Variants in MICAL3 observed in about 807,000 individuals in gnomAD.
MICAL3 encodes the protein [F-actin]-monooxygenase MICAL3.
Under a neutral mutation model 207.4 loss-of-function variants are expected in MICAL3, and 62 were observed. The observed-to-expected ratio is 0.30, with a 90% CI of 0.24 to 0.37. MICAL3 has a LOEUF of 0.37. MICAL3 is among the 10% of genes least tolerant of loss of function. MICAL3 has a pLI of 1.00. For synonymous variants in MICAL3, 1,077 were observed against 1,069.3 expected, an observed-to-expected ratio of 1.01 and a Z score of -0.14; for missense variants, 2,368 against 2,635.6, an observed-to-expected ratio of 0.90 and a Z score of 2.22.
intron 7 of MICAL3, among the ~76,000 whole-genome samples, chr22:17,897,316 G>A (rs1930930634): frequency 6.6e-6 from 1 of 151,302 alleles, no homozygotes; most frequent in East Asian, 2.0e-4. Flanking sequence ...CCAGCTACTT[G>A]GGAAGCTGAG....
In MICAL3 at chr22:17,832,236, G is replaced by C. The variant is rs147444570; in HGVS notation, c.2802-129C>G. On this transcript the variant is annotated intron_variant, in intron 20 of 31. Transcript: ENST00000441493. ...CTGCTGAGCAGGCGGAGAGAGACAG[G>C]AGGGAGGAGAGAGCGGCATCAGCAG... The C allele has an allele frequency of 3.2e-3, 3,886 of 1,211,102 alleles. 13 individuals carry two copies. Among genetic ancestry groups the C allele is most frequent in the Non-Finnish European group, 4.1e-3 (3,597 of 875,426 alleles). The allele number at this position is 1,211,102 out of a possible 1,614,324, so 75.0% of individuals were successfully genotyped here.
intron 11 of MICAL3, among the ~76,000 whole-genome samples, chr22:17,892,195 G>T (rs1569119403): frequency 6.6e-6 from 1 of 152,204 alleles, no homozygotes; most frequent in Non-Finnish European, 1.5e-5. Context: ...CCCCAGACCA[G>T]ACAGTCCCCG....
rs1232435932 is a variant in MICAL3 at position 17,791,192 on chromosome 22, G to A, written c.5750+10C>T. ...CATAGCGCTGACGCCCCCTACCCAAGGCCACTCACAAGATCATCAGCTCCG... is the reference window on the plus strand; with the variant it reads ...CATAGCGCTGACGCCCCCTACCCAAAGCCACTCACAAGATCATCAGCTCCG... On this transcript the variant is annotated intron_variant, in intron 30 of 31. Transcript: ENST00000441493. 6.2e-7 allele frequency: 1 copy of A among 1,613,050 alleles called. No homozygotes were observed. The highest frequency in any genetic ancestry group is 8.5e-7 in the Non-Finnish European group (1 of 1,179,576).
chr22:17,859,272 C>A (rs1050264230), intron 19 of MICAL3, among the ~76,000 whole-genome samples: 1 of 152,232 alleles, frequency 6.6e-6, no homozygotes, highest in African/African-American at 2.4e-5. Flanking sequence ...GACCTCTTCA[C>A]GTTCCAAGAG....
At chr22:18,015,539 A>C (rs1306811785) in intron 1 of MICAL3, among the ~76,000 whole-genome samples, 1 of 149,508 alleles carries the variant, frequency 6.7e-6, no homozygotes, top group African/African-American at 2.5e-5. Flanking sequence ...CTGCCTCCCA[A>C]GTAGCTGGGA....
chr22:17,895,203 G>A (rs1930725944), intron 10 of MICAL3, 81 bp downstream of exon 10: 18 of 1,399,716 alleles, frequency 1.3e-5, no homozygotes, highest in Non-Finnish European at 1.7e-5. Flanking sequence ...GGTATTAATA[G>A]GTGCACGCAT....
chr22:17,808,423 C>T (rs960505698), intron 29 of MICAL3, among the ~76,000 whole-genome samples: 2 of 151,168 alleles, frequency 1.3e-5, no homozygotes, highest in African/African-American at 4.9e-5. Context: ...CAGGAGGGTC[C>T]CAGGGAACTA....
chr22:17,875,394 C>T (rs1039944056), intron 16 of MICAL3: 43 of 1,174,158 alleles, frequency 3.7e-5, no homozygotes, highest in Non-Finnish European at 4.5e-5. Flanking sequence ...GCGAAAGTGA[C>T]GTGAGTGGAG....
chr22:17,922,876 T>A (rs944706431), intron 1 of MICAL3, among the ~76,000 whole-genome samples: 2 of 152,150 alleles, frequency 1.3e-5, no homozygotes, highest in African/African-American at 2.4e-5. Context: ...TCTCAGTTGT[T>A]CTCTCCAAAG....
At chr22:17,958,000 C>G (rs978366286) in intron 1 of MICAL3, among the ~76,000 whole-genome samples, 3 of 152,124 alleles carry the variant, frequency 2.0e-5, no homozygotes, top group African/African-American at 7.2e-5. Context: ...CCCAAAAAAC[C>G]TAAAAATTCC....
At chr22:17,859,903 C>T (rs755176434) in intron 19 of MICAL3, among the ~76,000 whole-genome samples, 5 of 152,216 alleles carry the variant, frequency 3.3e-5, no homozygotes, top group African/African-American at 9.6e-5. Flanking sequence ...TCTTGCTTTT[C>T]TCCACTTGCA....
chr22:17,972,109 G>C (rs1249155950), intron 1 of MICAL3, among the ~76,000 whole-genome samples: 4 of 152,242 alleles, frequency 2.6e-5, no homozygotes, highest in African/African-American at 9.6e-5. Context: ...CACATGCTCA[G>C]TTCAGCAAAT....
intron 12 of MICAL3, 31 bp downstream of exon 12, chr22:17,891,454 T>A (rs202159231): frequency 1.2e-6 from 2 of 1,610,728 alleles, no homozygotes; most frequent in Non-Finnish European, 1.7e-6. Context: ...TTGAGGAGTA[T>A]AAAAAAACAC....
rs112575747 is a variant in MICAL3, at chr22:17,862,511, C to G, written c.2605+2388G>C. 7.6e-4 allele frequency: 640 copies of G among 844,226 alleles called. 1 individual carries two copies. The highest frequency in any genetic ancestry group is 8.0e-4 in the Non-Finnish European group (564 of 701,432). The allele number at this position is 844,226 out of a possible 1,614,324, so 52.3% of individuals were successfully genotyped here. A position where few individuals can be genotyped will look rare whatever the true frequency, so the allele number is the denominator to read the frequency against. On this transcript the variant is annotated intron_variant, in intron 19 of 31. Transcript: ENST00000441493. ...TCCTGACCTCGTGATCTGCCCGCCT[C>G]GGCCTCCCAAAGTGCTGGGATTACA...
chr22:17,980,879 C>G (rs572987231), intron 1 of MICAL3: 1 of 531,760 alleles, frequency 1.9e-6, no homozygotes, highest in East Asian at 5.5e-5. Context: ...ACCCTCACTT[C>G]CGACTAAGTG....
In MICAL3 at chr22:17,916,400, C is replaced by G. The variant is rs73388425; in HGVS notation, c.-74-9514G>C. On this transcript the variant is annotated intron_variant, in intron 1 of 31. Transcript: ENST00000441493. ...TTCAGCAAGGACACGTCTTTCAACA[C>G]CCAGTCCTGACCCCACCCGCTCCAA... Among the ~76,000 whole-genome samples the G allele has an allele frequency of 6.9e-3, 1,048 of 152,286 alleles. 12 individuals carry two copies. The highest frequency in any genetic ancestry group is 0.024 in the African/African-American group (1,012 of 41,546).
intron 1 of MICAL3, among the ~76,000 whole-genome samples, chr22:17,969,956 G>C (rs1271419019): frequency 6.6e-6 from 1 of 152,216 alleles, no homozygotes; most frequent in Non-Finnish European, 1.5e-5. Flanking sequence ...CTGGGAGCTC[G>C]TCAGAGGAGA....
At chr22:17,917,225 T>A (rs189794105) in intron 1 of MICAL3, among the ~76,000 whole-genome samples, 11 of 152,276 alleles carry the variant, frequency 7.2e-5, no homozygotes, top group Middle Eastern at 3.4e-3. Context: ...CAATCACTTG[T>A]GTGACTTTTC....
At chr22:17,976,559 GTGTATATA>G (rs1230130087) in intron 1 of MICAL3, among the ~76,000 whole-genome samples, 71 of 78,750 alleles carry the variant, frequency 9.0e-4, no homozygotes, top group African/African-American at 3.6e-3. Flanking sequence ...GTGTGTGTGT[GTGTATATA>G]TATATATATA....
Sources: allele counts gnomAD v4.1 joint callset (sites outside exome capture counted in the v4.1 genomes callset), GRCh38; gene constraint gnomAD v4.1.1; transcripts MANE v1.5; gene names NCBI Gene and HGNC (gene_info 2026-07-23, HGNC 2026-07-21).